Variants in CROT observed in about 807,000 individuals in gnomAD.
CROT encodes carnitine O-octanoyltransferase.
Under a neutral mutation model 89.2 loss-of-function variants are expected in CROT, and 84 were observed. That is an observed-to-expected ratio of 0.94 (90% CI 0.79 to 1.13). The LOEUF is 1.13. Ranked by LOEUF, CROT falls within the 50% of genes most tolerant of loss-of-function variation. The pLI is 0.00. For missense variants in CROT, 711 were observed against 727.8 expected, an observed-to-expected ratio of 0.98 and a Z score of 0.27; for synonymous variants, 212 against 239.5, an observed-to-expected ratio of 0.89 and a Z score of 1.06.
rs541202336 is a variant in CROT, at chr7:87,377,548, A to G, written c.978+98A>G. 1.9e-5 allele frequency: 13 copies of G among 688,444 alleles called. No individual in the cohort carries two copies. The East Asian group carries it at 3.6e-4, about 19-fold the overall frequency. The allele number at this position is 688,444 out of a possible 1,614,324, so 42.6% of individuals were successfully genotyped here. The stretch of plus-strand genomic sequence containing the variant: ...GTGCTGGGGAACAGTGTAAGTGAAT[A>G]GTAATTTAGTTTTATGGCACTGTGG... On this transcript the variant is annotated intron_variant, in intron 10 of 17. Coordinates refer to ENST00000331536, the MANE Select transcript of CROT (RefSeq NM_021151.4).
intron 9 of CROT, among the ~76,000 whole-genome samples, chr7:87,376,447 C>T (rs1018566329): frequency 6.6e-6 from 1 of 151,936 alleles, no homozygotes; most frequent in Admixed American, 6.6e-5. Flanking sequence ...GTAAATATGG[C>T]CTTATTTTAT....
At chr7:87,398,417 T>A in intron 17 of CROT, 107 bp from the exon 18 acceptor site, 1 of 1,368,732 alleles carries the variant, frequency 7.3e-7, no homozygotes, top group South Asian at 1.2e-5. Flanking sequence ...TCAGCAAGAC[T>A]TCACATTTCA....
chr7:87,375,616 T>C lies in CROT; in HGVS notation c.657-16T>C. On this transcript the variant is annotated splice_polypyrimidine_tract_variant and intron_variant, in intron 7 of 17. Transcript: ENST00000331536. Reference sequence around the variant, plus strand: ...TGCCTGTACTCTTTTTTAATCTTCTTTTCATCTTCCATAAGACAACTGACA... The same window carrying C: ...TGCCTGTACTCTTTTTTAATCTTCTCTTCATCTTCCATAAGACAACTGACA... The C allele has an allele frequency of 6.3e-7, 1 of 1,594,014 alleles. No homozygotes were observed. Among genetic ancestry groups the C allele is most frequent in the Non-Finnish European group, 8.6e-7 (1 of 1,162,868 alleles).
intron 9 of CROT, 99 bp from the exon 10 acceptor site, chr7:87,377,250 C>T (rs1268685603): frequency 3.1e-6 from 2 of 650,746 alleles, no homozygotes; most frequent in Non-Finnish European, 2.6e-6. Context: ...ATTTGGTTGA[C>T]GTGAAGAGGA....
In CROT at chr7:87,392,727, C is replaced by A. The variant is rs1807406480; in HGVS notation, c.1505-3C>A. The stretch of plus-strand genomic sequence containing the variant: ...TAACCTGAGATTTGGGGTTTCATTG[C>A]AGGATTTGATCGTCACCTTTTAGGT... On this transcript the variant is annotated splice_region_variant and splice_polypyrimidine_tract_variant and intron_variant, in intron 15 of 17. Coordinates refer to ENST00000331536, the MANE Select transcript of CROT (RefSeq NM_021151.4). 6.2e-7 allele frequency: 1 copy of A among 1,612,896 alleles called. No individual in the cohort carries two copies. Among genetic ancestry groups the A allele is most frequent in the Admixed American group, 1.7e-5 (1 of 59,824 alleles).
rs552329014 is a variant in CROT at position 87,381,391 on chromosome 7, G to A, written c.979-519G>A. 7.2e-5 allele frequency among the ~76,000 whole-genome samples: 11 copies of A among 152,284 alleles called. No homozygotes were observed. In the South Asian group the frequency reaches 2.1e-3, roughly 29 times the overall value. ...CTATCTTTCCCACATTTCTTAAACT[G>A]AGAATTATCACATTGGGACATTCAT... is the stretch of plus-strand genomic sequence containing the variant. On this transcript the variant is annotated intron_variant, in intron 10 of 17. Transcript: ENST00000331536.
At chr7:87,378,574 T>A (rs965244642) in intron 10 of CROT, among the ~76,000 whole-genome samples, 1 of 152,226 alleles carries the variant, frequency 6.6e-6, no homozygotes, top group African/African-American at 2.4e-5. Context: ...GACTGCCCAA[T>A]GTGATTGTTG....
At position 87,359,346 on chromosome 7, in the gene CROT, A is replaced by C; in HGVS notation, c.240+16A>C. 2.5e-6 allele frequency: 4 copies of C among 1,585,244 alleles called. No individual in the cohort carries two copies. Among genetic ancestry groups the C allele is most frequent in the Non-Finnish European group, 3.4e-6 (4 of 1,162,938 alleles). ...AAGAAATTGGGTATTTGTTGTTATA[A>C]TTGAATAATGATGATGTTTAAAGAA... On this transcript the variant is annotated intron_variant, in intron 4 of 17. Coordinates refer to ENST00000331536, the MANE Select transcript of CROT (RefSeq NM_021151.4).
At chr7:87,382,811 C>T (rs1432775104) in intron 13 of CROT, among the ~76,000 whole-genome samples, 1 of 152,150 alleles carries the variant, frequency 6.6e-6, no homozygotes, top group Non-Finnish European at 1.5e-5. Context: ...CTTTGGCATT[C>T]AGATCGCTTG....
chr7:87,352,944 T>C (rs1012759322), intron 3 of CROT, among the ~76,000 whole-genome samples: 1 of 152,202 alleles, frequency 6.6e-6, no homozygotes, highest in Non-Finnish European at 1.5e-5. Context: ...TAGTTTACTT[T>C]GATTGTCCAG....
intron 9 of CROT, among the ~76,000 whole-genome samples, 186 bp downstream of exon 9, chr7:87,376,139 ATTGT>A (rs1806806241): frequency 6.6e-6 from 1 of 152,030 alleles, no homozygotes; most frequent in Non-Finnish European, 1.5e-5. Flanking sequence ...TCCTTGCCAC[ATTGT>A]TTAAGTTTGT....
intron 6 of CROT, among the ~76,000 whole-genome samples, chr7:87,362,700 T>G (rs568963697): frequency 1.3e-5 from 2 of 152,090 alleles, no homozygotes; most frequent in South Asian, 2.1e-4. Flanking sequence ...CTAGCTTATC[T>G]TGAAATGGAA....
chr7:87,361,956 C>A, intron 6 of CROT, 104 bp downstream of exon 6: 1 of 1,046,440 alleles, frequency 9.6e-7, no homozygotes, highest in Non-Finnish European at 1.3e-6. Context: ...ACTGTTGGGA[C>A]TTTGACAAAG....
chr7:87,348,356 A>C (rs1373722429), intron 2 of CROT, among the ~76,000 whole-genome samples: 2 of 152,218 alleles, frequency 1.3e-5, no homozygotes, highest in Non-Finnish European at 2.9e-5. Flanking sequence ...GCTTTGGAAC[A>C]CTTGAGACCA....
chr7:87,372,274 T>C (rs935437475), intron 7 of CROT, among the ~76,000 whole-genome samples: 5 of 152,246 alleles, frequency 3.3e-5, no homozygotes, highest in African/African-American at 1.2e-4. Context: ...AAACATTTTC[T>C]TCCAGTTAAC....
At chr7:87,390,382 G>A (rs1807320767) in intron 13 of CROT, among the ~76,000 whole-genome samples, 2 of 151,832 alleles carry the variant, frequency 1.3e-5, no homozygotes, top group South Asian at 4.2e-4. Context: ...AGGTTACAGT[G>A]GTAATATTTT....
rs566679100 is a variant in CROT, at chr7:87,380,736, T to A, written c.979-1174T>A. Among the ~76,000 whole-genome samples the A allele has an allele frequency of 1.9e-4, 29 of 152,314 alleles. No individual in the cohort carries two copies. The South Asian group carries it at 6.0e-3, about 32-fold the overall frequency. ...CTTAGAATTATAGCTCAAAGAGACA[T>A]CCTTCACTCTTGCTATTTCCTACTG... On this transcript the variant is annotated intron_variant, in intron 10 of 17. Coordinates refer to ENST00000331536, the MANE Select transcript of CROT (RefSeq NM_021151.4).
At chr7:87,350,195 C>G (rs377452975) in intron 3 of CROT, among the ~76,000 whole-genome samples, 1 of 152,042 alleles carries the variant, frequency 6.6e-6, no homozygotes, top group African/African-American at 2.4e-5. Context: ...AATCCATAGC[C>G]AAAATACAAG....
intron 6 of CROT, among the ~76,000 whole-genome samples, chr7:87,365,795 C>T (rs1425094670): frequency 4.6e-5 from 7 of 151,474 alleles, no homozygotes; most frequent in African/African-American, 1.5e-4. Context: ...TTGTAGAGAC[C>T]GAGTTTTGCC....
Sources: gnomAD v4.1 joint callset for allele counts (sites outside exome capture counted in the v4.1 genomes callset) on GRCh38, gnomAD v4.1.1 for gene constraint, MANE v1.5 for transcripts, NCBI Gene and HGNC (gene_info 2026-07-23, HGNC 2026-07-21) for gene names.